The following CHD1 variants were observed in gnomAD, a reference collection of about 807,000 sequenced individuals.
CHD1 encodes the protein chromodomain helicase DNA binding protein 1.
CHD1 carries 36 observed loss-of-function variants against 224.2 expected under a neutral mutation model. That is an observed-to-expected ratio of 0.16 (90% CI 0.12 to 0.21). CHD1 has a LOEUF of 0.21. Ranked by LOEUF, CHD1 falls within the 10% of genes least tolerant of loss-of-function variation. CHD1 has a pLI of 1.00. For synonymous variants in CHD1, 668 were observed against 658.3 expected (o/e 1.01, Z -0.23); for missense variants, 1,378 against 1,994.8 (o/e 0.69, Z 5.89).
chr5:98,888,283 TG>T (rs1750784564), intron 16 of CHD1, 43 bp from the exon 17 acceptor site: 2 of 1,429,376 alleles, frequency 1.4e-6, no homozygotes, highest in Non-Finnish European at 1.9e-6. Flanking sequence ...AAGACATAAA[TG>T]GTAAGTTGTC....
rs1162321671 is a variant in CHD1 at position 98,892,514 on chromosome 5, G to T, written c.2180+11C>A. The T allele has an allele frequency of 2.5e-6, 4 of 1,604,458 alleles. No homozygotes were observed. In the Admixed American group the frequency reaches 6.7e-5, roughly 27 times the overall value. On this transcript the variant is annotated intron_variant, in intron 15 of 35. Transcript: ENST00000614616. The stretch of plus-strand genomic sequence containing the variant: ...TTAGAAGTTCAGAACTGTGTTCTGT[G>T]TACAGCTTACTTGTAATATTGTTTC...
intron 2 of CHD1, among the ~76,000 whole-genome samples, chr5:98,911,146 A>AAAAAAAT (rs1491111295): frequency 7.7e-5 from 3 of 39,144 alleles, no homozygotes; most frequent in Admixed American, 3.0e-4. Context: ...AAAAAAAAAA[A>AAAAAAAT]ATATATATAT....
chr5:98,909,505 A>G (rs189425505), intron 2 of CHD1, among the ~76,000 whole-genome samples: 5 of 152,212 alleles, frequency 3.3e-5, no homozygotes, highest in Admixed American at 3.3e-4. Flanking sequence ...CCATCACTTC[A>G]TACCTAGCAT....
At chr5:98,907,418 G>A (rs566917972) in intron 2 of CHD1, among the ~76,000 whole-genome samples, 93 of 151,914 alleles carry the variant, frequency 6.1e-4, no homozygotes, top group African/African-American at 2.0e-3. Flanking sequence ...GAGAAACCTC[G>A]ACTCTACTGA....
intron 35 of CHD1, 144 bp from the exon 36 acceptor site, chr5:98,856,869 A>C (rs533694229): frequency 1.9e-4 from 116 of 614,580 alleles, no homozygotes; most frequent in Non-Finnish European, 2.9e-4. Flanking sequence ...AACTTACTTA[A>C]TTAACTCAAA....
chr5:98,873,784 T>A, intron 25 of CHD1, 61 bp from the exon 26 acceptor site: 1 of 1,491,024 alleles, frequency 6.7e-7, no homozygotes, highest in East Asian at 2.3e-5. Context: ...CCATTTAAGA[T>A]TAAGTTTCAC....
chr5:98,878,311 A>G (rs1749914272), intron 23 of CHD1, among the ~76,000 whole-genome samples: 1 of 152,252 alleles, frequency 6.6e-6, no homozygotes. Context: ...CCATCTGCTC[A>G]ACTGAGGGAA....
chr5:98,879,591 T>C lies in CHD1; in HGVS notation c.3198A>G (p.Glu1066=), dbSNP rs148953635. 4.4e-6 allele frequency: 7 copies of C among 1,601,942 alleles called. No homozygotes were observed. Among genetic ancestry groups the C allele is most frequent in the Non-Finnish European group, 5.9e-6 (7 of 1,177,142 alleles). Residue 1066 remains glutamate, a synonymous_variant, in exon 23 of 36, where the codon GAA becomes GAG. Coordinates refer to ENST00000614616, the MANE Select transcript of CHD1 (RefSeq NM_001270.4). The part of the protein sequence containing the change: ...EEEERQKELE[E]IYMLPRMRNC... ...TTCTCATTCTTGGGAGCATATAAATTTCTTCAAGTTCCTTTTGTCTTTCTT... is the reference window on the plus strand; with the variant it reads ...TTCTCATTCTTGGGAGCATATAAATCTCTTCAAGTTCCTTTTGTCTTTCTT...
chr5:98,876,584 C>A, intron 23 of CHD1, 26 bp from the exon 24 acceptor site: 2 of 1,604,202 alleles, frequency 1.2e-6, no homozygotes, highest in Non-Finnish European at 1.7e-6. Context: ...ATTTACCCAA[C>A]CTTAGTGTAA....
chr5:98,906,258 C>G (rs1335915529), intron 2 of CHD1, among the ~76,000 whole-genome samples: 1 of 152,060 alleles, frequency 6.6e-6, no homozygotes, highest in East Asian at 1.9e-4. Context: ...TTCATAGAAA[C>G]AGTAAATTAA....
rs752360959 is a variant in CHD1, at chr5:98,899,626, T to C, written c.939A>G (p.Pro313=). The C allele has an allele frequency of 1.2e-6, 2 of 1,613,938 alleles. No homozygotes were observed. The highest frequency in any genetic ancestry group is 1.7e-5 in the Admixed American group (1 of 60,004). The change falls in exon 8 of 36, where the codon CCA becomes CCG. Residue 313 remains proline (P), a synonymous_variant. Coordinates refer to ENST00000614616, the MANE Select transcript of CHD1 (RefSeq NM_001270.4). ...PNAGFEKNKE[P]GEIQYLIKWK... ...ATTTAATTAAATACTGAATCTCTCC[T>C]GGTTCTTTGTTTTTTTCAAAGCCTG...
intron 31 of CHD1, among the ~76,000 whole-genome samples, chr5:98,864,252 A>G (rs1748688043): frequency 6.6e-6 from 1 of 152,202 alleles, no homozygotes; most frequent in South Asian, 2.1e-4. Flanking sequence ...GGCAACCGTC[A>G]GATAAAATTT....
Position 98,854,585 on chromosome 5 carries a change from TCA to T in CHD1, c.*1793_*1794del, listed in dbSNP as rs1747887920. 1 of 152,082 alleles carries T rather than the reference TCA, an allele frequency of 6.6e-6. No homozygotes were observed. 9.4% of individuals were successfully genotyped at this position (152,082 alleles called of 1,614,324 possible). On this transcript the variant is annotated 3_prime_UTR_variant, in exon 36 of 36. Transcript: ENST00000614616. Reference sequence around the variant, plus strand: ...CTGAGCTACTCCCTCACATGTTCTCTCATATACCAGAAAAGAAACAAAGCATT... The same window carrying T: ...CTGAGCTACTCCCTCACATGTTCTCTTATACCAGAAAAGAAACAAAGCATT...
At chr5:98,890,032 C>T (rs539473045) in intron 15 of CHD1, among the ~76,000 whole-genome samples, 3 of 152,108 alleles carry the variant, frequency 2.0e-5, no homozygotes, top group Non-Finnish European at 4.4e-5. Flanking sequence ...AAACATGTAA[C>T]AACACTGTCG....
At chr5:98,876,867 C>A (rs11738445) in intron 23 of CHD1, among the ~76,000 whole-genome samples, 26,032 of 152,122 alleles carry the variant, frequency 0.17, 2,302 homozygotes, top group Middle Eastern at 0.34. Context: ...AAGTAATTTA[C>A]ATCATAAAAG....
At chr5:98,922,427 T>C (rs1162982662) in intron 2 of CHD1, among the ~76,000 whole-genome samples, 5 of 152,210 alleles carry the variant, frequency 3.3e-5, no homozygotes, top group Admixed American at 3.3e-4. Context: ...TGTATTCTTC[T>C]TCCTTTCAGT....
In CHD1 at chr5:98,903,822, A is replaced by ATGT. The variant is rs755931057; in HGVS notation, c.339_341dup (p.Gln113dup). On this transcript the variant is annotated inframe_insertion, in exon 4 of 36. Coordinates refer to ENST00000614616, the MANE Select transcript of CHD1 (RefSeq NM_001270.4). The stretch of plus-strand genomic sequence containing the variant: ...CTGATCCGCTATTAGATGAGGCTTG[A>ATGT]TGTTGTTGTTGCTGCTGCTGCTGTT... The ATGT allele has an allele frequency of 1.9e-6, 3 of 1,613,472 alleles. No homozygotes were observed. The highest frequency in any genetic ancestry group is 1.7e-5 in the Admixed American group (1 of 60,000).
Position 98,879,544 on chromosome 5 carries a change from A to C in CHD1, c.3237+8T>G, listed in dbSNP as rs1314292624. 6.3e-7 allele frequency: 1 copy of C among 1,579,508 alleles called. No homozygotes were observed. The highest frequency in any genetic ancestry group is 2.0e-5 in the Admixed American group (1 of 50,016). ...TTTATAGAAATATCTTTAAAATTGC[A>C]AAATCACCTGTTTTGCACAATTTCT... On this transcript the variant is annotated splice_region_variant and intron_variant, in intron 23 of 35. Coordinates refer to ENST00000614616, the MANE Select transcript of CHD1 (RefSeq NM_001270.4).
At position 98,858,399 on chromosome 5, in the gene CHD1, T is replaced by C; in HGVS notation, c.4577-9A>G. On this transcript the variant is annotated splice_polypyrimidine_tract_variant and intron_variant, in intron 34 of 35. Transcript: ENST00000614616. Reference sequence around the variant, plus strand: ...TTTTAATCTTTCCACATCTGTTAGATAAGTACAACTTTTATTAATGACCTT... The same window carrying C: ...TTTTAATCTTTCCACATCTGTTAGACAAGTACAACTTTTATTAATGACCTT... The C allele has an allele frequency of 6.2e-7, 1 of 1,601,324 alleles. No homozygotes were observed. The highest frequency in any genetic ancestry group is 1.1e-5 in the South Asian group (1 of 90,448).
Sources: gnomAD v4.1 joint callset for allele counts (sites outside exome capture counted in the v4.1 genomes callset) on GRCh38, gnomAD v4.1.1 for gene constraint, MANE v1.5 for transcripts, NCBI Gene and HGNC (gene_info 2026-07-23, HGNC 2026-07-21) for gene names.